The following CHN2 variants were observed in gnomAD, a reference collection of about 807,000 sequenced individuals.
CHN2 encodes chimerin 2, also known as beta-chimaerin.
In CHN2, 35 loss-of-function variants were observed where a neutral mutation model predicts 56.3. That is an observed-to-expected ratio of 0.62 (90% confidence interval 0.47 to 0.82). CHN2 has a LOEUF of 0.82. Among genes scored for constraint, CHN2 ranks in the 40% least tolerant of loss-of-function variants. The pLI, the probability that CHN2 is intolerant of heterozygous loss-of-function variation, is 0.00. For synonymous variants in CHN2, 210 were observed against 212.8 expected (o/e 0.99, Z 0.12); for missense variants, 491 against 580.5 (o/e 0.85, Z 1.58).
chr7:29,158,449 G>C (rs190468927), intron 2 of CHN2, among the ~76,000 whole-genome samples: 49 of 152,274 alleles, frequency 3.2e-4, no homozygotes, highest in Middle Eastern at 3.4e-3. Context: ...GATGTGTGTG[G>C]GTAAGAGTGG....
chr7:29,274,863 GTAGATTCAT>G (rs1791055256), intron 1 of CHN2, among the ~76,000 whole-genome samples: 1 of 152,210 alleles, frequency 6.6e-6, no homozygotes, highest in African/African-American at 2.4e-5. Context: ...GATGGTGTCT[GTAGATTCAT>G]TTACAATCAT....
intron 1 of CHN2, among the ~76,000 whole-genome samples, chr7:29,318,280 T>C (rs1258850678): frequency 1.3e-5 from 2 of 152,180 alleles, no homozygotes; most frequent in Non-Finnish European, 2.9e-5. Context: ...TAAAGTTTTA[T>C]TGGAACCCAG....
intron 1 of CHN2, among the ~76,000 whole-genome samples, chr7:29,223,102 A>G (rs1785928494): frequency 6.6e-6 from 1 of 152,188 alleles, no homozygotes; most frequent in Admixed American, 6.5e-5. Flanking sequence ...ACATAAAAAG[A>G]TGCTCAACAC....
intron 6 of CHN2, among the ~76,000 whole-genome samples, chr7:29,479,474 T>C (rs1786896491): frequency 6.6e-6 from 1 of 152,282 alleles, no homozygotes. Flanking sequence ...GATATCCCAT[T>C]TGGTGCTCAG....
At chr7:29,473,593 C>T (rs1786342592) in intron 6 of CHN2, among the ~76,000 whole-genome samples, 1 of 151,090 alleles carries the variant, frequency 6.6e-6, no homozygotes, top group South Asian at 2.1e-4. Context: ...AGACGAGCAA[C>T]ATCACCATCA....
chr7:29,240,721 G>A (rs926770830), intron 1 of CHN2, among the ~76,000 whole-genome samples: 1 of 152,056 alleles, frequency 6.6e-6, no homozygotes, highest in East Asian at 1.9e-4. Flanking sequence ...GGGGGGCGGT[G>A]GGGAGTGGGA....
intron 7 of CHN2, among the ~76,000 whole-genome samples, chr7:29,491,856 C>T (rs763800878): frequency 1.2e-4 from 18 of 152,264 alleles, no homozygotes; most frequent in Middle Eastern, 3.4e-3. Context: ...TTCTTCATCC[C>T]CTTCAAACTT....
At chr7:29,370,758 G>A (rs554518606) in intron 3 of CHN2, among the ~76,000 whole-genome samples, 18 of 152,172 alleles carry the variant, frequency 1.2e-4, no homozygotes, top group East Asian at 1.9e-4. Flanking sequence ...AGGTATAGAC[G>A]TAGGCCAGTC....
rs114281925 is a variant in CHN2, at chr7:29,322,139, A to G, written c.50-32486A>G. Among the ~76,000 whole-genome samples the G allele has an allele frequency of 6.4e-3, 968 of 152,320 alleles. 14 individuals carry two copies. Among genetic ancestry groups the G allele is most frequent in the African/African-American group, 0.022 (914 of 41,586 alleles). ...GTAATATGAGGTAAAGGGCTATTCA[A>G]ACTGGCTTTGCTTGTCAGTCACCAC... On this transcript the variant is annotated intron_variant, in intron 1 of 12. Coordinates refer to ENST00000222792, the MANE Select transcript of CHN2 (RefSeq NM_004067.4).
chr7:29,355,772 A>ATTTTT lies in CHN2; in HGVS notation c.88+1134_88+1138dup, dbSNP rs1167339692. 3.4e-4 allele frequency among the ~76,000 whole-genome samples: 18 copies of ATTTTT among 52,388 alleles called. 3 individuals are homozygous for ATTTTT. The highest frequency in any genetic ancestry group is 8.3e-4 in the African/African-American group (11 of 13,290). The allele number at this position is 52,388 out of a possible 152,430, so 34.4% of individuals were successfully genotyped here. On this transcript the variant is annotated intron_variant, in intron 2 of 12. Coordinates refer to ENST00000222792, the MANE Select transcript of CHN2 (RefSeq NM_004067.4). ...TACCACAACTCTCACAGATGGGACT[A>ATTTTT]TTTTTTTTTTTTTTTTTTTTTTTTT...
intron 1 of CHN2, among the ~76,000 whole-genome samples, chr7:29,352,583 T>G (rs956490871): frequency 6.6e-6 from 1 of 151,668 alleles, no homozygotes; most frequent in South Asian, 2.1e-4. Flanking sequence ...ATTAGCTGGG[T>G]GTGGTGGCAC....
At chr7:29,450,505 A>G (rs1394478371) in intron 6 of CHN2, among the ~76,000 whole-genome samples, 1 of 152,156 alleles carries the variant, frequency 6.6e-6, no homozygotes, top group East Asian at 1.9e-4. Context: ...GGATTTGAAG[A>G]TCCTGGGGTG....
At chr7:29,480,412 A>G in intron 7 of CHN2, 56 bp downstream of exon 7, 6 of 1,533,560 alleles carry the variant, frequency 3.9e-6, no homozygotes, top group Admixed American at 3.4e-5. Flanking sequence ...GGAAAGGTAC[A>G]GTGTATAGTT....
intron 6 of CHN2, among the ~76,000 whole-genome samples, chr7:29,437,865 G>C (rs907918868): frequency 8.6e-5 from 13 of 152,046 alleles, no homozygotes; most frequent in African/African-American, 3.1e-4. Flanking sequence ...GAGCCCAGAG[G>C]GGTCAGAGCA....
At chr7:29,453,923 CT>C (rs1784571820) in intron 6 of CHN2, among the ~76,000 whole-genome samples, 1 of 152,190 alleles carries the variant, frequency 6.6e-6, no homozygotes, top group Non-Finnish European at 1.5e-5. Flanking sequence ...GCTGCCCTTA[CT>C]CATCCTTTCA....
intron 6 of CHN2, among the ~76,000 whole-genome samples, chr7:29,433,840 AC>A (rs67062903): frequency 0.11 from 15,939 of 148,344 alleles, 1,665 homozygotes; most frequent in African/African-American, 0.27. Context: ...CTCCATCTAA[AC>A]AAAAAAAAAA....
At chr7:29,290,424 A>G (rs1323327139) in intron 1 of CHN2, among the ~76,000 whole-genome samples, 2 of 152,204 alleles carry the variant, frequency 1.3e-5, no homozygotes, top group African/African-American at 4.8e-5. Flanking sequence ...TGAAGAATAT[A>G]GTCAGCCTGA....
intron 6 of CHN2, among the ~76,000 whole-genome samples, chr7:29,409,597 T>C (rs968946714): frequency 2.6e-5 from 4 of 152,168 alleles, no homozygotes; most frequent in Non-Finnish European, 4.4e-5. Context: ...CTCACACAGA[T>C]GTGTAGTTGG....
At chr7:29,222,793 C>G (rs1193260770) in intron 1 of CHN2, among the ~76,000 whole-genome samples, 1 of 151,828 alleles carries the variant, frequency 6.6e-6, no homozygotes, top group Non-Finnish European at 1.5e-5. Flanking sequence ...ATAACTGAAG[C>G]AATACTAACT....
Sources: allele counts gnomAD v4.1 joint callset (sites outside exome capture counted in the v4.1 genomes callset), GRCh38; gene constraint gnomAD v4.1.1; transcripts MANE v1.5; gene names NCBI Gene and HGNC (gene_info 2026-07-23, HGNC 2026-07-21).